The following CNTN5 variants were observed in gnomAD, a reference collection of about 807,000 sequenced individuals.
CNTN5 encodes the protein contactin 5, also known as contactin-5.
A neutral mutation model predicts 129.1 loss-of-function variants in CNTN5; 77 were observed. The ratio of observed to expected loss-of-function variants is 0.60; its 90% confidence interval spans 0.50 to 0.72. CNTN5 has a LOEUF of 0.72. Among genes scored for constraint, CNTN5 ranks in the 30% least tolerant of loss-of-function variants. The pLI, the probability that CNTN5 is intolerant of heterozygous loss-of-function variation, is 0.00. For missense variants in CNTN5, 1,478 were observed against 1,328.8 expected, an observed-to-expected ratio of 1.11 and a Z score of -1.75; for synonymous variants, 509 against 465.6, an observed-to-expected ratio of 1.09 and a Z score of -1.20.
chr11:99,399,736 C>T (rs1197756781), intron 2 of CNTN5, among the ~76,000 whole-genome samples: 1 of 151,772 alleles, frequency 6.6e-6, no homozygotes. Context: ...GAAGATTACA[C>T]TTTGGTTTTT....
chr11:99,401,015 T>C (rs188952173), intron 2 of CNTN5, among the ~76,000 whole-genome samples: 5 of 152,278 alleles, frequency 3.3e-5, no homozygotes, highest in Admixed American at 3.3e-4. Flanking sequence ...AAATATTTAC[T>C]TCCAACCTGT....
At chr11:99,102,293 TG>T (rs150135516) in intron 1 of CNTN5, among the ~76,000 whole-genome samples, 9,457 of 152,238 alleles carry the variant, frequency 0.062, 809 homozygotes, top group East Asian at 0.34. Context: ...TGACATGCCC[TG>T]GAGACATTTT....
intron 13 of CNTN5, among the ~76,000 whole-genome samples, chr11:100,159,480 T>C (rs1947366668): frequency 6.6e-6 from 1 of 151,918 alleles, no homozygotes; most frequent in Non-Finnish European, 1.5e-5. Context: ...CTTCTGCTGT[T>C]GAGCTTTAAA....
chr11:99,246,279 T>G (rs1051974217), intron 1 of CNTN5, among the ~76,000 whole-genome samples: 1 of 151,020 alleles, frequency 6.6e-6, no homozygotes, highest in Non-Finnish European at 1.5e-5. Context: ...AACATTAAAG[T>G]GATCTGAATT....
At chr11:99,964,792 A>G (rs1235700534) in intron 8 of CNTN5, among the ~76,000 whole-genome samples, 4 of 151,960 alleles carry the variant, frequency 2.6e-5, no homozygotes, top group East Asian at 1.9e-4. Context: ...CTGGTCCTGG[A>G]CTTTTTTTTG....
chr11:100,129,474 C>T (rs570586843), intron 13 of CNTN5, among the ~76,000 whole-genome samples: 14 of 152,020 alleles, frequency 9.2e-5, no homozygotes, highest in South Asian at 6.2e-4. Context: ...CTTTGAAGAC[C>T]GAAGAAAGAG....
At chr11:99,692,343 T>C (rs1954074002) in intron 3 of CNTN5, among the ~76,000 whole-genome samples, 1 of 152,166 alleles carries the variant, frequency 6.6e-6, no homozygotes, top group Non-Finnish European at 1.5e-5. Context: ...CACTGTTCTA[T>C]GTATTTCAGT....
chr11:100,168,274 A>G (rs1195138235), intron 13 of CNTN5, among the ~76,000 whole-genome samples: 2 of 151,996 alleles, frequency 1.3e-5, no homozygotes, highest in Non-Finnish European at 2.9e-5. Flanking sequence ...TAGATTTTCA[A>G]TGTAGACAAA....
intron 4 of CNTN5, among the ~76,000 whole-genome samples, chr11:99,836,257 T>TA (rs754054960): frequency 2.0e-4 from 30 of 151,704 alleles, no homozygotes; most frequent in Non-Finnish European, 2.7e-4. Flanking sequence ...ACTCGTCACT[T>TA]ACATTAGGTA....
chr11:99,223,986 A>T (rs1432489890), intron 1 of CNTN5, among the ~76,000 whole-genome samples: 2 of 152,140 alleles, frequency 1.3e-5, no homozygotes, highest in African/African-American at 2.4e-5. Flanking sequence ...TCTTCTCCGC[A>T]TACACTCTTA....
At chr11:99,201,351 T>TTCCTTCCTTCCTTCCTTCCTTCC (rs59358470) in intron 1 of CNTN5, among the ~76,000 whole-genome samples, 6,137 of 87,912 alleles carry the variant, frequency 0.07, 687 homozygotes, top group East Asian at 0.23. Flanking sequence ...CTTCCTTTCC[T>TTCCTTCCTTCCTTCCTTCCTTCC]TTCCTTCCTT....
chr11:99,666,481 C>T (rs936256586), intron 3 of CNTN5, among the ~76,000 whole-genome samples: 1 of 152,064 alleles, frequency 6.6e-6, no homozygotes, highest in African/African-American at 2.4e-5. Context: ...CCTATTGCTT[C>T]TGCAAAGGGA....
chr11:100,034,694 G>A (rs947577240), intron 9 of CNTN5, among the ~76,000 whole-genome samples: 10 of 152,152 alleles, frequency 6.6e-5, no homozygotes, highest in Non-Finnish European at 1.2e-4. Flanking sequence ...CTCTACAATG[G>A]CAGCCTTAGG....
chr11:99,689,506 G>A (rs961169552), intron 3 of CNTN5, among the ~76,000 whole-genome samples: 9 of 109,324 alleles, frequency 8.2e-5, no homozygotes, highest in Admixed American at 2.9e-4. Flanking sequence ...TACCCTGGGC[G>A]ACAGAGTGAG....
At chr11:99,123,282 A>C (rs1214436910) in intron 1 of CNTN5, among the ~76,000 whole-genome samples, 1 of 151,364 alleles carries the variant, frequency 6.6e-6, no homozygotes, top group Non-Finnish European at 1.5e-5. Flanking sequence ...TTTGATTTGC[A>C]TTTCTCTGAT....
At chr11:99,971,731 CAAAG>C (rs1195516039) in intron 8 of CNTN5, among the ~76,000 whole-genome samples, 38 of 151,754 alleles carry the variant, frequency 2.5e-4, no homozygotes, top group African/African-American at 9.2e-4. Context: ...AAATTATGGT[CAAAG>C]AATAATGTTT....
chr11:100,352,526 A>G (rs146437540), intron 24 of CNTN5, among the ~76,000 whole-genome samples: 16 of 151,884 alleles, frequency 1.1e-4, no homozygotes, highest in Non-Finnish European at 1.8e-4. Flanking sequence ...CAAGAATGAT[A>G]AACTGTCAAC....
intron 8 of CNTN5, among the ~76,000 whole-genome samples, chr11:99,993,339 G>C (rs1939241472): frequency 6.6e-6 from 1 of 152,104 alleles, no homozygotes; most frequent in Non-Finnish European, 1.5e-5. Context: ...GTAGGACCTT[G>C]GGCCAGTTAC....
chr11:99,283,276 G>A (rs1863779157), intron 1 of CNTN5, among the ~76,000 whole-genome samples: 1 of 151,948 alleles, frequency 6.6e-6, no homozygotes, highest in Non-Finnish European at 1.5e-5. Context: ...AGAAAAGAAA[G>A]GTTTACACTT....
Sources: gnomAD v4.1 joint callset for allele counts (sites outside exome capture counted in the v4.1 genomes callset) on GRCh38, gnomAD v4.1.1 for gene constraint, MANE v1.5 for transcripts, NCBI Gene and HGNC (gene_info 2026-07-23, HGNC 2026-07-21) for gene names.